Variants in TRABD2B observed in about 807,000 individuals in gnomAD.
TRABD2B encodes metalloprotease TIKI2.
In TRABD2B, 14 loss-of-function variants were observed where a neutral mutation model predicts 40.1. The observed-to-expected ratio is 0.35, with a 90% CI of 0.23 to 0.55. TRABD2B has a LOEUF of 0.55. Ranked by LOEUF, TRABD2B falls within the 20% of genes least tolerant of loss-of-function variation. TRABD2B has a pLI of 0.90. For missense variants in TRABD2B, 541 were observed against 648.6 expected (o/e 0.83, Z 1.80); for synonymous variants, 263 against 277.0 (o/e 0.95, Z 0.50).
chr1:47,847,290 C>G (rs894114707), intron 2 of TRABD2B, among the ~76,000 whole-genome samples: 2 of 152,172 alleles, frequency 1.3e-5, no homozygotes, highest in African/African-American at 4.8e-5. Context: ...GCCACACCAC[C>G]CCCTTCACAG....
intron 2 of TRABD2B, among the ~76,000 whole-genome samples, chr1:47,842,852 C>T (rs1645417594): frequency 6.6e-6 from 1 of 152,104 alleles, no homozygotes; most frequent in Non-Finnish European, 1.5e-5. Flanking sequence ...CCCCTGTGGA[C>T]AAACATAAAG....
At chr1:47,817,967 T>C (rs765064476) in intron 2 of TRABD2B, 1 of 152,288 alleles carries the variant, frequency 6.6e-6, no homozygotes, top group Non-Finnish European at 1.5e-5. Flanking sequence ...AGAAAAGGTC[T>C]TTGTTCTCCC....
intron 2 of TRABD2B, among the ~76,000 whole-genome samples, chr1:47,981,786 T>C (rs1319920465): frequency 6.6e-6 from 1 of 152,242 alleles, no homozygotes; most frequent in East Asian, 1.9e-4. Context: ...CATGCACCTC[T>C]AGCACTACTG....
intron 3 of TRABD2B, among the ~76,000 whole-genome samples, chr1:47,798,554 C>A (rs1158511933): frequency 1.3e-5 from 2 of 152,168 alleles, no homozygotes; most frequent in African/African-American, 2.4e-5. Flanking sequence ...GCCCCTGGCC[C>A]CTTTCCCAGT....
chr1:47,975,782 G>A (rs1222275410), intron 2 of TRABD2B, among the ~76,000 whole-genome samples: 2 of 152,090 alleles, frequency 1.3e-5, no homozygotes, highest in Admixed American at 1.3e-4. Flanking sequence ...ACTATAAATG[G>A]CAAATATGTT....
chr1:47,929,374 T>C (rs78856751), intron 2 of TRABD2B, among the ~76,000 whole-genome samples: 1,689 of 152,334 alleles, frequency 0.011, 18 homozygotes, highest in Non-Finnish European at 0.019. Flanking sequence ...CCCCTGGTCA[T>C]AGTCTTTACT....
At position 47,861,472 on chromosome 1, in the gene TRABD2B, G is replaced by A. The variant is rs571787897; in HGVS notation, c.667-59853C>T. Among the ~76,000 whole-genome samples, 171 of 152,146 alleles carry A rather than the reference G, an allele frequency of 1.1e-3. 2 individuals carry two copies. The highest frequency in any genetic ancestry group is 4.0e-3 in the African/African-American group (166 of 41,500). On this transcript the variant is annotated intron_variant, in intron 2 of 6. Transcript: ENST00000606738. Reference sequence around the variant, plus strand: ...GAGGGTACTTCCTACAGATTCCATGGACATTAAATGGAAAATAATAAGACA... The same window carrying A: ...GAGGGTACTTCCTACAGATTCCATGAACATTAAATGGAAAATAATAAGACA...
At chr1:47,965,204 G>C (rs1256379148) in intron 2 of TRABD2B, among the ~76,000 whole-genome samples, 5 of 113,152 alleles carry the variant, frequency 4.4e-5, no homozygotes, top group African/African-American at 1.3e-4. Flanking sequence ...CGGGGGGCGG[G>C]GGGGGGTGGA....
chr1:47,797,496 A>T (rs1013561797), intron 3 of TRABD2B, among the ~76,000 whole-genome samples: 1 of 152,064 alleles, frequency 6.6e-6, no homozygotes, highest in Non-Finnish European at 1.5e-5. Context: ...CCCTCCTCCT[A>T]TGCTTCCTGA....
At chr1:47,771,680 C>T (rs1644379103) in intron 6 of TRABD2B, among the ~76,000 whole-genome samples, 1 of 152,218 alleles carries the variant, frequency 6.6e-6, no homozygotes, top group African/African-American at 2.4e-5. Context: ...ACAGCCCTGC[C>T]CTTCCCCCAA....
At chr1:47,839,065 G>T (rs973563923) in intron 2 of TRABD2B, among the ~76,000 whole-genome samples, 1 of 152,176 alleles carries the variant, frequency 6.6e-6, no homozygotes, top group African/African-American at 2.4e-5. Flanking sequence ...CACACCCTTG[G>T]CGTCAGGCCT....
At chr1:47,806,101 G>A (rs903910176) in intron 2 of TRABD2B, among the ~76,000 whole-genome samples, 1 of 152,222 alleles carries the variant, frequency 6.6e-6, no homozygotes, top group Non-Finnish European at 1.5e-5. Flanking sequence ...ACCGGACCAG[G>A]TTCTCACAAC....
At chr1:47,826,136 G>A (rs1645170640) in intron 2 of TRABD2B, among the ~76,000 whole-genome samples, 1 of 152,166 alleles carries the variant, frequency 6.6e-6, no homozygotes, top group South Asian at 2.1e-4. Flanking sequence ...TGGCTTGAAG[G>A]GGACTGTGGT....
intron 2 of TRABD2B, among the ~76,000 whole-genome samples, chr1:47,883,434 C>T (rs1165172905): frequency 6.6e-6 from 1 of 152,146 alleles, no homozygotes; most frequent in Non-Finnish European, 1.5e-5. Context: ...CTCTTGGCAA[C>T]AAGACAGAGA....
intron 2 of TRABD2B, among the ~76,000 whole-genome samples, chr1:47,845,980 G>A (rs1336639113): frequency 6.6e-6 from 1 of 152,174 alleles, no homozygotes; most frequent in Admixed American, 6.5e-5. Context: ...CTGCATGCTG[G>A]GAAAGTGAAA....
intron 6 of TRABD2B, among the ~76,000 whole-genome samples, chr1:47,768,180 A>G (rs1380950858): frequency 6.6e-6 from 1 of 152,188 alleles, no homozygotes. Context: ...CTGCAGTTGC[A>G]TAAGGTTCCT....
At chr1:47,985,600 G>C (rs1001508877) in intron 2 of TRABD2B, among the ~76,000 whole-genome samples, 4 of 152,228 alleles carry the variant, frequency 2.6e-5, no homozygotes, top group African/African-American at 9.6e-5. Context: ...TGGCCCCAGG[G>C]CCCTGACTTT....
intron 6 of TRABD2B, among the ~76,000 whole-genome samples, chr1:47,769,119 G>A (rs924925767): frequency 8.5e-5 from 13 of 152,196 alleles, no homozygotes; most frequent in Non-Finnish European, 1.8e-4. Context: ...TGCCTGTGCC[G>A]GGCAGGGATC....
chr1:47,912,785 C>G (rs1644780398), intron 2 of TRABD2B, among the ~76,000 whole-genome samples: 1 of 152,152 alleles, frequency 6.6e-6, no homozygotes, highest in South Asian at 2.1e-4. Context: ...AAGGGACACT[C>G]ACTCTTCTCA....
Sources: gnomAD v4.1 joint callset for allele counts (sites outside exome capture counted in the v4.1 genomes callset) on GRCh38, gnomAD v4.1.1 for gene constraint, MANE v1.5 for transcripts, NCBI Gene and HGNC (gene_info 2026-07-23, HGNC 2026-07-21) for gene names.